The following SNX13 variants were observed in gnomAD, a reference collection of about 807,000 sequenced individuals.
SNX13 encodes sorting nexin-13.
In SNX13, 45 loss-of-function variants were observed where a neutral mutation model predicts 133.6. The observed-to-expected ratio is 0.34, with a 90% CI of 0.27 to 0.43. The LOEUF is 0.43. Among genes scored for constraint, SNX13 ranks in the 20% least tolerant of loss-of-function variants. SNX13 has a pLI of 1.00. For synonymous variants in SNX13, 414 were observed against 373.9 expected (o/e 1.11, Z -1.24); for missense variants, 1,032 against 1,145.1 (o/e 0.90, Z 1.43).
At chr7:17,840,846 G>GTGCAA (rs1485654044) in intron 12 of SNX13, among the ~76,000 whole-genome samples, 1 of 152,076 alleles carries the variant, frequency 6.6e-6, no homozygotes, top group African/African-American at 2.4e-5. Context: ...TCCACAACAA[G>GTGCAA]TGCAATGGCA....
rs1440918174 is a variant in SNX13 at position 17,839,942 on chromosome 7, T to A, written c.1224A>T (p.Gly408=). The A allele has an allele frequency of 1.7e-5, 27 of 1,611,926 alleles. No homozygotes were observed. The highest frequency in any genetic ancestry group is 2.1e-5 in the Non-Finnish European group (25 of 1,178,686). ...GCTGCTGTTGGGCGGTAACCCGGTA[T>A]CCTTCCACTGTCATCCAAAAGAATA... ...AHLFFWMTVE[G]YRVTAQQQLE... is the part of the protein sequence containing the mutation. Residue 408 remains glycine (G), a synonymous_variant, in exon 13 of 26, where the codon GGA becomes GGT. Transcript: ENST00000428135.
intron 1 of SNX13, among the ~76,000 whole-genome samples, chr7:17,922,563 C>T (rs931756766): frequency 3.9e-5 from 6 of 152,114 alleles, no homozygotes; most frequent in Admixed American, 6.6e-5. Context: ...TTTTCTAAAT[C>T]GAGATTTTTT....
At chr7:17,844,141 T>C (rs1339018903) in intron 12 of SNX13, among the ~76,000 whole-genome samples, 4 of 152,024 alleles carry the variant, frequency 2.6e-5, no homozygotes. Flanking sequence ...AATAGTTGAT[T>C]CTTTGAAAAG....
At chr7:17,878,368 A>G (rs1268305593) in intron 5 of SNX13, among the ~76,000 whole-genome samples, 1 of 152,220 alleles carries the variant, frequency 6.6e-6, no homozygotes, top group African/African-American at 2.4e-5. Flanking sequence ...AAGTGATACA[A>G]TTAACCCTAG....
intron 1 of SNX13, among the ~76,000 whole-genome samples, chr7:17,923,516 A>G (rs2128039078): frequency 1.3e-5 from 2 of 152,306 alleles, no homozygotes; most frequent in South Asian, 4.2e-4. Flanking sequence ...GATTTGAGCT[A>G]TAATTCTTAG....
At chr7:17,810,731 G>GAACATCAATGTGA (rs1207200833) in intron 20 of SNX13, among the ~76,000 whole-genome samples, 1 of 152,204 alleles carries the variant, frequency 6.6e-6, no homozygotes, top group Non-Finnish European at 1.5e-5. Context: ...TACGCCTGAT[G>GAACATCAATGTGA]AACATCAATG....
At chr7:17,900,827 G>A (rs1022459830) in intron 1 of SNX13, among the ~76,000 whole-genome samples, 1 of 152,078 alleles carries the variant, frequency 6.6e-6, no homozygotes, top group Non-Finnish European at 1.5e-5. Flanking sequence ...TGGTAGCTAA[G>A]GTGCAACACA....
intron 9 of SNX13, among the ~76,000 whole-genome samples, chr7:17,853,771 G>A (rs1234271276): frequency 2.0e-5 from 3 of 151,960 alleles, no homozygotes; most frequent in Non-Finnish European, 2.9e-5. Context: ...GTGAAACCCC[G>A]TCTCTACTAA....
chr7:17,852,831 G>C (rs1791398456), intron 9 of SNX13, among the ~76,000 whole-genome samples: 2 of 152,138 alleles, frequency 1.3e-5, no homozygotes, highest in South Asian at 4.2e-4. Context: ...TCACATAAAG[G>C]ACTTGCTTTA....
At chr7:17,824,795 G>A (rs1249189088) in intron 17 of SNX13, among the ~76,000 whole-genome samples, 2 of 151,036 alleles carry the variant, frequency 1.3e-5, no homozygotes, top group Non-Finnish European at 1.5e-5. Context: ...TTTTGAGACG[G>A]AGTCTCGCTC....
rs1783468331 is a variant in SNX13, at chr7:17,790,830, T to C, written c.*3215A>G. ...AACCAAATAAATTTTTTAATCCTTT[T>C]AGTTGAATAAAAATAACTGACATTC... On this transcript the variant is annotated 3_prime_UTR_variant, in exon 26 of 26. Transcript: ENST00000428135. The C allele has an allele frequency of 1.3e-5, 2 of 152,118 alleles. No individual in the cohort carries two copies. Among genetic ancestry groups the C allele is most frequent in the Admixed American group, 1.3e-4 (2 of 15,266 alleles). 9.4% of individuals were successfully genotyped at this position (152,118 alleles called of 1,614,324 possible). A position where few individuals can be genotyped will look rare whatever the true frequency, so the allele number is the denominator to read the frequency against.
At chr7:17,936,833 A>T (rs547025256) in intron 1 of SNX13, among the ~76,000 whole-genome samples, 1 of 139,380 alleles carries the variant, frequency 7.2e-6, no homozygotes, top group African/African-American at 3.3e-5. Flanking sequence ...GAAAAGAAAA[A>T]AAAAAAGAAA....
At chr7:17,918,150 A>C (rs1220616757) in intron 1 of SNX13, among the ~76,000 whole-genome samples, 2 of 151,966 alleles carry the variant, frequency 1.3e-5, no homozygotes, top group African/African-American at 4.8e-5. Context: ...ACTAACTCAA[A>C]ATGAATTAAA....
chr7:17,808,181 A>C (rs1785542134), intron 20 of SNX13, among the ~76,000 whole-genome samples: 1 of 152,224 alleles, frequency 6.6e-6, no homozygotes, highest in Non-Finnish European at 1.5e-5. Context: ...AGCATGTTCT[A>C]ACCCAATGCG....
At chr7:17,934,832 A>C (rs1398399687) in intron 1 of SNX13, among the ~76,000 whole-genome samples, 1 of 152,212 alleles carries the variant, frequency 6.6e-6, no homozygotes, top group African/African-American at 2.4e-5. Flanking sequence ...CCACAATGAG[A>C]TATCACCTCA....
intron 25 of SNX13, 61 bp downstream of exon 25, chr7:17,796,766 A>G (rs1784101320): frequency 8.2e-7 from 1 of 1,224,422 alleles, no homozygotes; most frequent in Non-Finnish European, 1.2e-6. Flanking sequence ...GGCATGATGA[A>G]TGCTAAAAAC....
At chr7:17,882,621 T>TA (rs201649630) in intron 5 of SNX13, 195 of 189,396 alleles carry the variant, frequency 1.0e-3, no homozygotes, top group African/African-American at 2.6e-3. Context: ...CCTATATACT[T>TA]AAAAAAAAAT....
chr7:17,937,272 T>C (rs10447542), intron 1 of SNX13, among the ~76,000 whole-genome samples: 84,974 of 151,830 alleles, frequency 0.56, 24,945 homozygotes, highest in Non-Finnish European at 0.65. Context: ...CTCAACTGAG[T>C]GATATTCCAT....
At chr7:17,805,188 T>C (rs2128289768) in intron 20 of SNX13, among the ~76,000 whole-genome samples, 1 of 150,306 alleles carries the variant, frequency 6.7e-6, no homozygotes, top group South Asian at 2.1e-4. Context: ...TGAAGTTAAG[T>C]CTCACGTTTG....
Sources: gnomAD v4.1 joint callset for allele counts (sites outside exome capture counted in the v4.1 genomes callset) on GRCh38, gnomAD v4.1.1 for gene constraint, MANE v1.5 for transcripts, NCBI Gene and HGNC (gene_info 2026-07-23, HGNC 2026-07-21) for gene names.